The following FAM193A variants were observed in gnomAD, a reference collection of about 807,000 sequenced individuals.
FAM193A encodes the protein protein FAM193A.
FAM193A carries 22 observed loss-of-function variants against 126.5 expected under a neutral mutation model. The ratio of observed to expected loss-of-function variants is 0.17; its 90% CI spans 0.12 to 0.25. FAM193A has a LOEUF of 0.25. Among genes scored for constraint, FAM193A ranks in the 10% least tolerant of loss-of-function variants. The probability of loss-of-function intolerance (pLI) is 1.00; values close to 1 mark genes in which losing one functional copy is unlikely to be tolerated. For synonymous variants in FAM193A, 761 were observed against 646.8 expected (o/e 1.18, Z -2.68); for missense variants, 1,675 against 1,672.8 (o/e 1.00, Z -0.02).
intron 6 of FAM193A, among the ~76,000 whole-genome samples, chr4:2,641,495 A>T (rs1182634078): frequency 2.0e-5 from 3 of 151,964 alleles, no homozygotes; most frequent in Admixed American, 6.6e-5. Flanking sequence ...CTCTACTAAA[A>T]ATACAAAAAA....
chr4:2,728,067 G>T (rs1195819308), intron 20 of FAM193A, among the ~76,000 whole-genome samples: 2 of 151,962 alleles, frequency 1.3e-5, no homozygotes, highest in Non-Finnish European at 2.9e-5. Context: ...GGGTAGCTGG[G>T]ATTACAGGCA....
intron 1 of FAM193A, among the ~76,000 whole-genome samples, chr4:2,571,092 G>T (rs895650703): frequency 2.6e-5 from 4 of 152,150 alleles, no homozygotes; most frequent in African/African-American, 9.7e-5. Context: ...TTACCCATAG[G>T]CTCTGCTCTT....
At position 2,538,909 on chromosome 4, in the gene FAM193A, G is replaced by A. The variant is rs186252008; in HGVS notation, c.255+1739G>A. Reference sequence around the variant, plus strand: ...TTATTATTTTTATTTATTTTTTTTTGAGACAGAGTCTCACTCTGTCGCCCA... The same window carrying A: ...TTATTATTTTTATTTATTTTTTTTTAAGACAGAGTCTCACTCTGTCGCCCA... On this transcript the variant is annotated intron_variant, in intron 1 of 20. Coordinates refer to ENST00000637812, the MANE Select transcript of FAM193A (RefSeq NM_001366318.2). Among the ~76,000 whole-genome samples the A allele has an allele frequency of 5.5e-5, 8 of 145,820 alleles. No homozygotes were observed. In the East Asian group the frequency reaches 1.2e-3, roughly 22 times the overall value.
At chr4:2,642,593 T>C (rs1744745569) in intron 6 of FAM193A, among the ~76,000 whole-genome samples, 1 of 151,964 alleles carries the variant, frequency 6.6e-6, no homozygotes. Flanking sequence ...ATATGCATCT[T>C]GGGAGAGGGG....
At chr4:2,623,097 A>C (rs1245768538) in intron 2 of FAM193A, among the ~76,000 whole-genome samples, 1 of 150,592 alleles carries the variant, frequency 6.6e-6, no homozygotes, top group East Asian at 2.0e-4. Context: ...AGCAGGACCT[A>C]TTTGGGGTGG....
chr4:2,699,474 A>G (rs1025048907), intron 18 of FAM193A, among the ~76,000 whole-genome samples: 1 of 145,600 alleles, frequency 6.9e-6, no homozygotes, highest in African/African-American at 2.5e-5. Flanking sequence ...ATAAGTAAGC[A>G]TATACTTTAG....
At chr4:2,640,438 A>G (rs1395334893) in intron 6 of FAM193A, among the ~76,000 whole-genome samples, 2 of 152,098 alleles carry the variant, frequency 1.3e-5, no homozygotes, top group Non-Finnish European at 2.9e-5. Context: ...GAGTGAGAAG[A>G]TTTAGGCTGG....
intron 1 of FAM193A, among the ~76,000 whole-genome samples, chr4:2,574,328 G>A (rs539548820): frequency 6.6e-6 from 1 of 152,292 alleles, no homozygotes; most frequent in Admixed American, 6.5e-5. Context: ...CACCAAGGCT[G>A]CTGCATTTGC....
chr4:2,666,181 CTTGAG>C (rs1713092365), intron 12 of FAM193A, among the ~76,000 whole-genome samples: 1 of 152,166 alleles, frequency 6.6e-6, no homozygotes, highest in Non-Finnish European at 1.5e-5. Context: ...CTCCTAATTT[CTTGAG>C]TTTTTTCATG....
At chr4:2,677,741 CAA>C (rs36047465) in intron 13 of FAM193A, among the ~76,000 whole-genome samples, 48 of 89,338 alleles carry the variant, frequency 5.4e-4, no homozygotes, top group Non-Finnish European at 4.6e-4. Context: ...AACACTGTCT[CAA>C]AAAAAAAAAA....
At position 2,700,491 on chromosome 4, in the gene FAM193A, G is replaced by A. The variant is rs1477375647; in HGVS notation, c.4319G>A (p.Gly1440Asp). 4.3e-6 allele frequency: 7 copies of A among 1,613,378 alleles called. No individual in the cohort carries two copies. Among genetic ancestry groups the A allele is most frequent in the South Asian group, 1.1e-5 (1 of 90,956 alleles). ...CTGGCAGAGTCCCCTCAGCCAAAGG[G>A]CAAGAACAAGAAAAATAAGAAGAAG... ...LVLAESPQPK[G>D]KNKKNKKKKG... The change falls in exon 19 of 21, where the codon GGC becomes GAC. Residue 1440 changes from glycine (G) to aspartate (D), a missense_variant. By Grantham distance (94) the Gly-to-Asp change is moderately conservative. This residue lies in a region of FAM193A where 415 missense variants were observed against 396.7 expected (regional missense o/e 1.05). Transcript: ENST00000637812.
At chr4:2,599,843 A>G (rs775737760) in intron 2 of FAM193A, among the ~76,000 whole-genome samples, 78 of 150,782 alleles carry the variant, frequency 5.2e-4, no homozygotes, top group Non-Finnish European at 9.3e-4. Flanking sequence ...TCAAGAGACT[A>G]TCGTGCCTCA....
Position 2,648,834 on chromosome 4 carries a change from G to A in FAM193A, c.1311+2002G>A, listed in dbSNP as rs112787822. Among the ~76,000 whole-genome samples the A allele has an allele frequency of 3.1e-3, 479 of 152,246 alleles. 1 individual carries two copies. Among genetic ancestry groups the A allele is most frequent in the African/African-American group, 8.8e-3 (365 of 41,556 alleles). On this transcript the variant is annotated intron_variant, in intron 7 of 20. Coordinates refer to ENST00000637812, the MANE Select transcript of FAM193A (RefSeq NM_001366318.2). ...CCTTCTCCAGGAAGTGGGCATCTTC[G>A]GCAGAGGCTCTTCAGGGCTGTGGCC...
At chr4:2,598,967 A>G (rs1741034088) in intron 2 of FAM193A, among the ~76,000 whole-genome samples, 1 of 151,800 alleles carries the variant, frequency 6.6e-6, no homozygotes, top group South Asian at 2.1e-4. Context: ...TGGCAGCCAG[A>G]CTCTGCCTTG....
chr4:2,647,088 T>G (rs1407932739), intron 7 of FAM193A, among the ~76,000 whole-genome samples: 1 of 152,188 alleles, frequency 6.6e-6, no homozygotes, highest in Non-Finnish European at 1.5e-5. Context: ...TTCCTTGGCC[T>G]GGGCACACCT....
Position 2,659,797 on chromosome 4 carries a change from T to C in FAM193A, c.1503-15T>C. Reference sequence around the variant, plus strand: ...GCATTGGTTGGCTTGGTAACTGTCCTTAATTCCTGATCAGATGTGCTTGCG... The same window carrying C: ...GCATTGGTTGGCTTGGTAACTGTCCCTAATTCCTGATCAGATGTGCTTGCG... On this transcript the variant is annotated splice_polypyrimidine_tract_variant and intron_variant, in intron 9 of 20. Transcript: ENST00000637812. The C allele has an allele frequency of 6.2e-7, 1 of 1,614,148 alleles. No individual in the cohort carries two copies. Among genetic ancestry groups the C allele is most frequent in the Non-Finnish European group, 8.5e-7 (1 of 1,180,030 alleles).
intron 13 of FAM193A, among the ~76,000 whole-genome samples, chr4:2,688,315 G>T (rs1715975936): frequency 6.6e-6 from 1 of 152,184 alleles, no homozygotes; most frequent in African/African-American, 2.4e-5. Context: ...AGTGTGTTCA[G>T]TGGGAAGGCT....
intron 1 of FAM193A, among the ~76,000 whole-genome samples, chr4:2,567,732 C>T (rs1256347127): frequency 6.6e-6 from 1 of 152,188 alleles, no homozygotes; most frequent in East Asian, 1.9e-4. Context: ...AAAAGCCGTG[C>T]ACCTTGTGCC....
intron 1 of FAM193A, among the ~76,000 whole-genome samples, chr4:2,546,010 T>C (rs1199147924): frequency 6.6e-6 from 1 of 151,992 alleles, no homozygotes; most frequent in South Asian, 2.1e-4. Context: ...TAGCGGGGTG[T>C]GGTAGCAGGC....
Sources: gnomAD v4.1 joint callset for allele counts (sites outside exome capture counted in the v4.1 genomes callset) on GRCh38, gnomAD v4.1.1 for gene constraint, gnomAD v4.1.1 regional missense constraint, MANE v1.5 for transcripts, NCBI Gene and HGNC (gene_info 2026-07-23, HGNC 2026-07-21) for gene names.